Variants in ZC3H12B observed in about 807,000 individuals in gnomAD.
ZC3H12B encodes the protein probable ribonuclease ZC3H12B.
Under a neutral mutation model 43.9 loss-of-function variants are expected in ZC3H12B, and 7 were observed. The observed-to-expected ratio is 0.16, with a 90% CI of 0.09 to 0.30. The LOEUF is 0.30. ZC3H12B is among the 10% of genes least tolerant of loss of function. The probability of loss-of-function intolerance (pLI) is 1.00; values close to 1 mark genes in which losing one functional copy is unlikely to be tolerated. For synonymous variants in ZC3H12B, 222 were observed against 241.7 expected (o/e 0.92, Z 0.76); for missense variants, 475 against 670.2 (o/e 0.71, Z 3.22).
chrX:65,066,327 G>C, the ZC3H12B span, among the ~76,000 whole-genome samples: 1 of 111,239 alleles, frequency 9.0e-6, no homozygotes, highest in East Asian at 2.9e-4. Context: ...TGGGTTTTTT[G>C]TGGGTGTTCT....
At chrX:65,232,716 A>G in the ZC3H12B span, among the ~76,000 whole-genome samples, 2 of 111,605 alleles carry the variant, frequency 1.8e-5, no homozygotes, top group Admixed American at 9.6e-5. Flanking sequence ...ACAAATAACA[A>G]AATAGTGGTA....
the ZC3H12B span, among the ~76,000 whole-genome samples, chrX:65,175,273 C>G: frequency 8.9e-6 from 1 of 111,872 alleles, no homozygotes; most frequent in East Asian, 2.8e-4. Context: ...GAAATTACCC[C>G]CCTCTGCATT....
chrX:65,171,919 A>C, the ZC3H12B span, among the ~76,000 whole-genome samples: 1 of 111,268 alleles, frequency 9.0e-6, no homozygotes, highest in Admixed American at 9.5e-5. Context: ...GGAATATCCC[A>C]ATTTTCGAGG....
chrX:65,118,918 C>T, the ZC3H12B span, among the ~76,000 whole-genome samples: 4 of 107,029 alleles, frequency 3.7e-5, no homozygotes, highest in East Asian at 3.0e-4. Flanking sequence ...TCTGTCCTTG[C>T]GATAGTTTCC....
chrX:65,163,169 C>G, the ZC3H12B span, among the ~76,000 whole-genome samples: 1 of 110,977 alleles, frequency 9.0e-6, no homozygotes, highest in Non-Finnish European at 1.9e-5. Flanking sequence ...AGGTGTCAGT[C>G]TGCCCCTACT....
At chrX:65,124,024 A>T in the ZC3H12B span, among the ~76,000 whole-genome samples, 1 of 110,718 alleles carries the variant, frequency 9.0e-6, no homozygotes, top group Admixed American at 9.7e-5. Flanking sequence ...TTCCAGTACT[A>T]TGTTGAATAG....
the ZC3H12B span, chrX:65,270,858 G>A: frequency 9.0e-6 from 1 of 111,326 alleles, no homozygotes; most frequent in Non-Finnish European, 1.9e-5. Context: ...TGAAGACCCA[G>A]CCAAGTTTGT....
chrX:65,250,092 CT>C, the ZC3H12B span, among the ~76,000 whole-genome samples: 2 of 110,481 alleles, frequency 1.8e-5, no homozygotes, highest in South Asian at 3.9e-4. Flanking sequence ...CCCCCTCCCC[CT>C]ATCCTACAAC....
the ZC3H12B span, among the ~76,000 whole-genome samples, chrX:65,069,248 G>A: frequency 9.6e-6 from 1 of 103,814 alleles, no homozygotes; most frequent in Non-Finnish European, 2.0e-5. Context: ...CCTCTTTAAG[G>A]CCAATAACTG....
chrX:65,387,101 G>T lies in ZC3H12B; in HGVS notation n.296-11492G>T, dbSNP rs1317266975. On this transcript the variant is annotated intron_variant and non_coding_transcript_variant, in intron 2 of 5. Transcript: ENST00000617377. Reference sequence around the variant, plus strand: ...AATTTTGGAATAAGTGCAGTGTGGTGCTGAGAAGAATGTATATTCTGTTGA... The same window carrying T: ...AATTTTGGAATAAGTGCAGTGTGGTTCTGAGAAGAATGTATATTCTGTTGA... Among the ~76,000 whole-genome samples, 3 of 112,005 alleles carry T rather than the reference G, an allele frequency of 2.7e-5. No homozygotes were observed. The East Asian group carries it at 8.3e-4, about 31-fold the overall frequency.
the ZC3H12B span, among the ~76,000 whole-genome samples, chrX:65,314,032 A>G: frequency 8.9e-6 from 1 of 111,918 alleles, no homozygotes; most frequent in African/African-American, 3.2e-5. Flanking sequence ...TTTTAGAAAA[A>G]CTACTGGATG....
At chrX:65,061,752 A>G in the ZC3H12B span, among the ~76,000 whole-genome samples, 1 of 112,373 alleles carries the variant, frequency 8.9e-6, no homozygotes, top group African/African-American at 3.2e-5. Flanking sequence ...ACTATCTTCC[A>G]CAATGGTTGA....
At chrX:65,053,867 A>C in the ZC3H12B span, among the ~76,000 whole-genome samples, 2 of 111,989 alleles carry the variant, frequency 1.8e-5, no homozygotes, top group African/African-American at 6.5e-5. Flanking sequence ...AGTGATGATG[A>C]GCATTTTTTC....
chrX:65,277,841 AGAAG>A, the ZC3H12B span, among the ~76,000 whole-genome samples: 1 of 111,619 alleles, frequency 9.0e-6, no homozygotes, highest in African/African-American at 3.2e-5. Context: ...CAAAATTAGT[AGAAG>A]GAAGGAGCTA....
intron 3 of ZC3H12B, among the ~76,000 whole-genome samples, chrX:65,440,412 G>T (rs775087289): frequency 8.9e-6 from 1 of 112,495 alleles, no homozygotes; most frequent in Non-Finnish European, 1.9e-5. Context: ...CAGAAATCAC[G>T]TTAATAGGCA....
chrX:65,267,684 A>G, the ZC3H12B span, among the ~76,000 whole-genome samples: 9 of 111,867 alleles, frequency 8.0e-5, no homozygotes, highest in African/African-American at 2.9e-4. Context: ...CCAGTAAGTC[A>G]AAGAAGAAAT....
the ZC3H12B span, among the ~76,000 whole-genome samples, chrX:65,132,176 G>A: frequency 4.5e-5 from 5 of 111,423 alleles, no homozygotes; most frequent in Non-Finnish European, 9.4e-5. Flanking sequence ...AAGGTATTGA[G>A]GACAAAAGAG....
chrX:65,225,063 ACTGC>A, the ZC3H12B span, among the ~76,000 whole-genome samples: 6 of 111,970 alleles, frequency 5.4e-5, no homozygotes, highest in Non-Finnish European at 1.9e-5. Context: ...GAATGGGTAG[ACTGC>A]CTCCTCAAGT....
intron 3 of ZC3H12B, among the ~76,000 whole-genome samples, chrX:65,421,543 C>T (rs1313046791): frequency 8.9e-6 from 1 of 111,766 alleles, no homozygotes; most frequent in Non-Finnish European, 1.9e-5. Context: ...ACAGATTTGC[C>T]TTCCCTACAC....
Sources: allele counts gnomAD v4.1 joint callset (sites outside exome capture counted in the v4.1 genomes callset), GRCh38; gene constraint gnomAD v4.1.1; transcripts MANE v1.5; gene names NCBI Gene and HGNC (gene_info 2026-07-23, HGNC 2026-07-21).